The following CEP83 variants were observed in gnomAD, a reference collection of about 807,000 sequenced individuals.
The protein encoded by CEP83 is centrosomal protein of 83 kDa.
In CEP83, 70 loss-of-function variants were observed where a neutral mutation model predicts 101.9. The ratio of observed to expected loss-of-function variants is 0.69; its 90% CI spans 0.57 to 0.84. The LOEUF (loss-of-function observed/expected upper bound fraction) is 0.84, where lower values mean the gene tolerates loss of function less well. Among genes scored for constraint, CEP83 ranks in the 40% least tolerant of loss-of-function variants. The probability of loss-of-function intolerance (pLI) is 0.00; values close to 1 mark genes in which losing one functional copy is unlikely to be tolerated. For synonymous variants in CEP83, 264 were observed against 267.9 expected (o/e 0.99, Z 0.14); for missense variants, 715 against 787.2 (o/e 0.91, Z 1.10).
the CEP83 span, among the ~76,000 whole-genome samples, chr12:94,290,228 C>G: frequency 1.3e-5 from 2 of 152,228 alleles, no homozygotes; most frequent in African/African-American, 2.4e-5. Context: ...AGAAACAGAG[C>G]ATATCCAGCT....
At chr12:94,364,733 T>C (rs568095336) in intron 11 of CEP83, among the ~76,000 whole-genome samples, 1 of 152,270 alleles carries the variant, frequency 6.6e-6, no homozygotes, top group South Asian at 2.1e-4. Flanking sequence ...CAAGTATATA[T>C]GGAAATTTAA....
chr12:94,432,183 T>G (rs976380089), intron 2 of CEP83, among the ~76,000 whole-genome samples: 1 of 151,750 alleles, frequency 6.6e-6, no homozygotes, highest in African/African-American at 2.4e-5. Flanking sequence ...GCCTCCTGAG[T>G]AGCTGGGACT....
chr12:94,403,087 T>A (rs891990853), intron 5 of CEP83, 83 bp downstream of exon 5: 1 of 728,186 alleles, frequency 1.4e-6, no homozygotes, highest in African/African-American at 1.8e-5. Flanking sequence ...TACTGCAGGG[T>A]TTTGGGGTAG....
chr12:94,414,250 T>C (rs921402332), intron 2 of CEP83, among the ~76,000 whole-genome samples: 11 of 152,194 alleles, frequency 7.2e-5, no homozygotes, highest in East Asian at 1.9e-4. Flanking sequence ...AATTAATGAA[T>C]TGCATCATAA....
At chr12:94,277,952 C>T in the CEP83 span, 1 of 456,050 alleles carries the variant, frequency 2.2e-6, no homozygotes, top group Non-Finnish European at 4.4e-6. Context: ...GTTTTCATCT[C>T]TCCCCTGAGC....
chr12:94,289,376 G>A, the CEP83 span, among the ~76,000 whole-genome samples: 1 of 152,126 alleles, frequency 6.6e-6, no homozygotes, highest in African/African-American at 2.4e-5. Flanking sequence ...TTGTCACATC[G>A]AATCCTAGAA....
chr12:94,413,865 C>T (rs1019987159), intron 2 of CEP83, among the ~76,000 whole-genome samples: 2 of 141,914 alleles, frequency 1.4e-5, no homozygotes, highest in South Asian at 2.3e-4. Flanking sequence ...CACACACACA[C>T]ATACATACAT....
chr12:94,302,470 T>C (rs1490657257), downstream of CEP83, among the ~76,000 whole-genome samples: 1 of 152,232 alleles, frequency 6.6e-6, no homozygotes, highest in East Asian at 1.9e-4. Context: ...CTTTCCCCAA[T>C]ATATTTCCTA....
intron 6 of CEP83, among the ~76,000 whole-genome samples, chr12:94,389,068 A>G (rs1285801798): frequency 6.6e-6 from 1 of 152,240 alleles, no homozygotes; most frequent in African/African-American, 2.4e-5. Flanking sequence ...CAGAGGTTGC[A>G]GTGAGCCAAG....
intron 2 of CEP83, among the ~76,000 whole-genome samples, chr12:94,422,816 A>T (rs1470392345): frequency 6.6e-6 from 1 of 152,256 alleles, no homozygotes; most frequent in Non-Finnish European, 1.5e-5. Context: ...ATAGCATTTC[A>T]TCATTTAAAT....
intron 14 of CEP83, among the ~76,000 whole-genome samples, chr12:94,327,881 A>G (rs1176910747): frequency 6.6e-6 from 1 of 152,212 alleles, no homozygotes; most frequent in Non-Finnish European, 1.5e-5. Flanking sequence ...CAAACTTTAG[A>G]GTCCACATAA....
At chr12:94,335,689 G>C (rs1304867575) in intron 11 of CEP83, 25 bp from the exon 12 acceptor site, 2 of 1,413,734 alleles carry the variant, frequency 1.4e-6, no homozygotes, top group Non-Finnish European at 2.0e-6. Context: ...CCAACAAAAG[G>C]CATTATTAAG....
intron 14 of CEP83, among the ~76,000 whole-genome samples, chr12:94,329,901 C>G (rs2059131194): frequency 6.6e-6 from 1 of 152,132 alleles, no homozygotes; most frequent in African/African-American, 2.4e-5. Context: ...AATACTACTT[C>G]TAGCATTATG....
At chr12:94,278,017 G>A in the CEP83 span, 1 of 455,944 alleles carries the variant, frequency 2.2e-6, no homozygotes. Flanking sequence ...CCTGGCTAGT[G>A]TCCACAGTAC....
At chr12:94,373,700 A>G (rs987822365) in intron 8 of CEP83, among the ~76,000 whole-genome samples, 1 of 152,174 alleles carries the variant, frequency 6.6e-6, no homozygotes, top group African/African-American at 2.4e-5. Context: ...ATCTTTGGTA[A>G]TACCTTTTAA....
chr12:94,454,224 T>A (rs550415745), intron 1 of CEP83, among the ~76,000 whole-genome samples: 2 of 152,340 alleles, frequency 1.3e-5, no homozygotes, highest in South Asian at 4.1e-4. Flanking sequence ...CAGCTCTGGC[T>A]GGCTATATCA....
In CEP83 at chr12:94,424,568, G is replaced by T. The variant is rs908819089; in HGVS notation, c.-102+10707C>A. ...GAGGTTTGAGATGTATAAATTTGTG[G>T]GGTCCTGTTCCTGTTGCTTTACCAT... is the stretch of plus-strand genomic sequence containing the variant. On this transcript the variant is annotated intron_variant, in intron 2 of 16. Transcript: ENST00000397809. 1.5e-5 allele frequency: 25 copies of T among 1,613,414 alleles called. No individual in the cohort carries two copies. In the African/African-American group the frequency reaches 2.9e-4, roughly 19 times the overall value.
chr12:94,293,081 G>GAATC, the CEP83 span, among the ~76,000 whole-genome samples: 5 of 152,034 alleles, frequency 3.3e-5, no homozygotes, highest in Admixed American at 6.5e-5. Context: ...TATGTAAATG[G>GAATC]AATCAGTCAG....
chr12:94,386,118 G>A (rs976685538), intron 6 of CEP83, among the ~76,000 whole-genome samples: 2 of 152,048 alleles, frequency 1.3e-5, no homozygotes, highest in African/African-American at 2.4e-5. Context: ...TAAGCTACAC[G>A]TTACTGTACT....
Sources: gnomAD v4.1 joint callset for allele counts (sites outside exome capture counted in the v4.1 genomes callset) on GRCh38, gnomAD v4.1.1 for gene constraint, MANE v1.5 for transcripts, NCBI Gene and HGNC (gene_info 2026-07-23, HGNC 2026-07-21) for gene names.